Variants in USP29 observed in about 807,000 individuals in gnomAD.
USP29 encodes the protein ubiquitin specific peptidase 29, also known as ubiquitin carboxyl-terminal hydrolase 29.
For synonymous variants in USP29, 386 were observed against 387.4 expected (o/e 1.00, Z 0.04); for missense variants, 1,102 against 1,069.0 (o/e 1.03, Z -0.43).
rs199909506 is a variant in USP29, at chr19:57,130,194, C to T, written c.1519C>T (p.Leu507Phe). Residue 507 changes from leucine (L) to phenylalanine (F), a missense_variant, in exon 4 of 4, where the codon CTT (leucine) becomes TTT (phenylalanine). Coordinates refer to ENST00000254181, the MANE Select transcript of USP29 (RefSeq NM_020903.3). Reference protein sequence around the residue: ...RHTFSRLSRVLIIHLKRYSFN... With the variant: ...RHTFSRLSRVFIIHLKRYSFN... ...TACATTTAGTAGGCTCTCCAGGGTC[C>T]TTATCATTCATCTGAAACGCTATAG... 1.2e-5 allele frequency: 19 copies of T among 1,613,900 alleles called. No individual in the cohort carries two copies. Among genetic ancestry groups the T allele is most frequent in the South Asian group, 2.2e-5 (2 of 91,056 alleles).
At chr19:57,120,879 C>A (rs1391521520) in intron 1 of USP29, among the ~76,000 whole-genome samples, 1 of 148,658 alleles carries the variant, frequency 6.7e-6, no homozygotes, top group Non-Finnish European at 1.5e-5. Flanking sequence ...CCAAGGCGGG[C>A]GGATCAGGAG....
chr19:57,128,404 G>C (rs940382662), intron 3 of USP29, among the ~76,000 whole-genome samples: 1 of 152,118 alleles, frequency 6.6e-6, no homozygotes, highest in East Asian at 1.9e-4. Flanking sequence ...CAGTGATGCT[G>C]AGCACCTGTT....
intron 3 of USP29, among the ~76,000 whole-genome samples, chr19:57,126,589 C>G (rs900557078): frequency 6.6e-6 from 1 of 151,874 alleles, no homozygotes; most frequent in African/African-American, 2.4e-5. Flanking sequence ...AGTTCTCATG[C>G]TGTGTTTTTC....
rs2086838637 is a variant in USP29 at position 57,129,011 on chromosome 19, A to AGG, written c.336_337insGG (p.Ser113GlyfsTer15). 1 of 1,614,040 alleles carries AGG rather than the reference A, an allele frequency of 6.2e-7. No homozygotes were observed. The highest frequency in any genetic ancestry group is 1.1e-5 in the South Asian group (1 of 91,090). On this transcript the variant is annotated frameshift_variant, in exon 4 of 4. Coordinates refer to ENST00000254181, the MANE Select transcript of USP29 (RefSeq NM_020903.3). LOFTEE classifies it low-confidence loss of function (END_TRUNC). ...AAAACAAATCTCAGCAACCCATGAA[A>AGG]TCTGATGATGATTGGAGTGTGTTTG...
rs202095785 is a variant in USP29, at chr19:57,131,392, G to A, written c.2717G>A (p.Gly906Glu). The A allele has an allele frequency of 1.9e-5, 30 of 1,613,920 alleles. No homozygotes were observed. The highest frequency in any genetic ancestry group is 2.1e-5 in the Non-Finnish European group (25 of 1,180,018). ...TCTCGGCTACCTAGCACACAGGCAG[G>A]GGTGATCCCTCAGGGGGAATACGAA... is the stretch of plus-strand genomic sequence containing the variant. ...ENSRLPSTQAGVIPQGEYEGD... is the reference protein window; with the variant it reads ...ENSRLPSTQAEVIPQGEYEGD... Residue 906 changes from glycine to glutamate, a missense_variant, in exon 4 of 4, where the codon GGG becomes GAG. Coordinates refer to ENST00000254181, the MANE Select transcript of USP29 (RefSeq NM_020903.3).
At chr19:57,126,821 A>C (rs57908333) in intron 3 of USP29, among the ~76,000 whole-genome samples, 13,178 of 152,028 alleles carry the variant, frequency 0.087, 1,108 homozygotes, top group East Asian at 0.42. Flanking sequence ...AGTTGCGATC[A>C]TTTGGAGAAG....
chr19:57,123,801 T>A (rs959750643), intron 2 of USP29, among the ~76,000 whole-genome samples: 5 of 152,184 alleles, frequency 3.3e-5, no homozygotes, highest in African/African-American at 1.2e-4. Flanking sequence ...AGTTGATATA[T>A]TAATCTAATC....
At chr19:57,122,583 G>A (rs919582680) in intron 2 of USP29, 109 bp downstream of exon 2, 1 of 151,568 alleles carries the variant, frequency 6.6e-6, no homozygotes, top group Non-Finnish European at 1.5e-5. Context: ...TGGAAGGAGG[G>A]TCTGTCTAAA....
chr19:57,129,882 G>A lies in USP29; in HGVS notation c.1207G>A (p.Asp403Asn), dbSNP rs2086846208. 1.2e-6 allele frequency: 2 copies of A among 1,614,136 alleles called. No homozygotes were observed. Among genetic ancestry groups the A allele is most frequent in the African/African-American group, 1.3e-5 (1 of 75,044 alleles). Residue 403 changes from aspartate to asparagine, a missense_variant, in exon 4 of 4, where the codon GAT becomes AAT. Coordinates refer to ENST00000254181, the MANE Select transcript of USP29 (RefSeq NM_020903.3). ...ATLNTGKECG[D>N]ENSSPQMHVG... is the part of the protein sequence containing the mutation. Reference sequence around the variant, plus strand: ...TTTGAATACTGGGAAAGAATGTGGGGATGAAAATTCATCTCCACAAATGCA... The same window carrying A: ...TTTGAATACTGGGAAAGAATGTGGGAATGAAAATTCATCTCCACAAATGCA...
rs1203053509 is a variant in USP29, at chr19:57,129,305, A to G, written c.630A>G (p.Pro210=). The G allele has an allele frequency of 5.0e-6, 8 of 1,614,202 alleles. 1 individual carries two copies. The South Asian group carries it at 6.6e-5, about 13-fold the overall frequency. ...LKYIQSNRKN[P]SSLEDLEKDR... is the part of the protein sequence containing the mutation. Reference sequence around the variant, plus strand: ...ATATACAAAGCAATAGGAAGAACCCATCAAGTTTAGAGGATTTAGAAAAAG... The same window carrying G: ...ATATACAAAGCAATAGGAAGAACCCGTCAAGTTTAGAGGATTTAGAAAAAG... The change falls in exon 4 of 4, where the codon CCA becomes CCG. Residue 210 remains proline (P), a synonymous_variant. Transcript: ENST00000254181.
chr19:57,129,045 A>AT lies in USP29; in HGVS notation c.370_371insT (p.Asn124IlefsTer7), dbSNP rs552283164. On this transcript the variant is annotated frameshift_variant, in exon 4 of 4. Transcript: ENST00000254181. LOFTEE classifies it low-confidence loss of function (END_TRUNC). ...TGATTGGAGTGTGTTTGAAAGCAGG[A>AT]ATATGCTGAAGGAAATTGACAAAAC... 1.2e-5 allele frequency: 19 copies of AT among 1,613,374 alleles called. No individual in the cohort carries two copies. The highest frequency in any genetic ancestry group is 1.5e-5 in the Non-Finnish European group (18 of 1,179,824).
Position 57,130,017 on chromosome 19 carries a change from G to C in USP29, c.1342G>C (p.Val448Leu). The change falls in exon 4 of 4, where the codon GTA becomes CTA. Residue 448 changes from valine to leucine, a missense_variant. Transcript: ENST00000254181. ...CKACGHAVLKVEPNNYLSINL... is the reference protein window; with the variant it reads ...CKACGHAVLKLEPNNYLSINL... Reference sequence around the variant, plus strand: ...AGCTTGTGGTCATGCTGTTCTCAAGGTAGAACCTAATAATTATCTCTCCAT... The same window carrying C: ...AGCTTGTGGTCATGCTGTTCTCAAGCTAGAACCTAATAATTATCTCTCCAT... The C allele has an allele frequency of 6.2e-7, 1 of 1,614,108 alleles. No homozygotes were observed. Among genetic ancestry groups the C allele is most frequent in the East Asian group, 2.2e-5 (1 of 44,878 alleles).
In USP29 at chr19:57,128,842, A is replaced by C. The variant is rs772141651; in HGVS notation, c.167A>C (p.Asn56Thr). Residue 56 changes from asparagine (N) to threonine (T), a missense_variant, in exon 4 of 4, where the codon AAC becomes ACC. Transcript: ENST00000254181. ...ATAAGAATTTTTCAGCTGAGCAACAACATTAGAAGTGTGGTCCTTAGACAT... is the reference window on the plus strand; with the variant it reads ...ATAAGAATTTTTCAGCTGAGCAACACCATTAGAAGTGTGGTCCTTAGACAT... Reference protein sequence around the residue: ...KFIRIFQLSNNIRSVVLRHCK... With the variant: ...KFIRIFQLSNTIRSVVLRHCK... 1.8e-5 allele frequency: 29 copies of C among 1,613,842 alleles called. No homozygotes were observed. The highest frequency in any genetic ancestry group is 3.3e-5 in the Admixed American group (2 of 59,980).
intron 3 of USP29, among the ~76,000 whole-genome samples, chr19:57,125,279 G>A (rs2086817958): frequency 1.3e-5 from 2 of 152,120 alleles, no homozygotes; most frequent in African/African-American, 4.8e-5. Context: ...GCTGAGGAGT[G>A]TTTTACTTCG....
In USP29 at chr19:57,131,505, G is replaced by C. The variant is rs1176045441; in HGVS notation, c.*61G>C. On this transcript the variant is annotated 3_prime_UTR_variant, in exon 4 of 4. Transcript: ENST00000254181. ...GAATCCTGTACTTCATCCTTGCAAA[G>C]AGAATCCTGTACTTCACTCAGAATG... 9 of 1,520,664 alleles carry C rather than the reference G, an allele frequency of 5.9e-6. No homozygotes were observed. The highest frequency in any genetic ancestry group is 7.9e-6 in the Non-Finnish European group (9 of 1,136,656). The allele number at this position is 1,520,664 out of a possible 1,614,324, so 94.2% of individuals were successfully genotyped here. A position where few individuals can be genotyped will look rare whatever the true frequency, so the allele number is the denominator to read the frequency against.
intron 3 of USP29, among the ~76,000 whole-genome samples, chr19:57,128,278 T>C (rs1435710350): frequency 6.6e-6 from 1 of 152,170 alleles, no homozygotes; most frequent in Non-Finnish European, 1.5e-5. Flanking sequence ...CTCCCTATTT[T>C]GCCATGCTGG....
chr19:57,130,775 C>T lies in USP29; in HGVS notation c.2100C>T (p.Phe700=), dbSNP rs145906750. Residue 700 remains phenylalanine, a synonymous_variant, in exon 4 of 4, where the codon TTC becomes TTT. Coordinates refer to ENST00000254181, the MANE Select transcript of USP29 (RefSeq NM_020903.3). ...AGAAGTATGAGAAAACCAATACATT[C>T]GTAGAGTTCAATTTTGACAGTGTCA... ...ELQKYEKTNT[F]VEFNFDSVTE... 6.8e-5 allele frequency: 110 copies of T among 1,614,104 alleles called. No individual in the cohort carries two copies. In the African/African-American group the frequency reaches 1.3e-3, roughly 19 times the overall value.
chr19:57,127,723 G>A (rs1712186198), intron 3 of USP29, among the ~76,000 whole-genome samples: 1 of 152,188 alleles, frequency 6.6e-6, no homozygotes, highest in African/African-American at 2.4e-5. Context: ...CTCCATGGGA[G>A]TGGGACCTGC....
rs111778303 is a variant in USP29 at position 57,130,301 on chromosome 19, T to A, written c.1626T>A (p.Asn542Lys). 6.2e-7 allele frequency: 1 copy of A among 1,614,116 alleles called. No homozygotes were observed. Among genetic ancestry groups the A allele is most frequent in the Admixed American group, 1.7e-5 (1 of 60,004 alleles). ...CTTTAAGTTTATCTTCTTATTGCAA[T>A]GAAAGCACCAAACCACCTCTTCCCT... ...PKSLSLSSYC[N>K]ESTKPPLPLS... The change falls in exon 4 of 4, where the codon AAT becomes AAA. Residue 542 changes from asparagine to lysine, a missense_variant. Asn to Lys is a moderately conservative substitution (Grantham distance 94). Transcript: ENST00000254181.
Sources: gnomAD v4.1 joint callset for allele counts (sites outside exome capture counted in the v4.1 genomes callset) on GRCh38, gnomAD v4.1.1 for gene constraint, MANE v1.5 for transcripts, NCBI Gene and HGNC (gene_info 2026-07-23, HGNC 2026-07-21) for gene names.